Variants in WNT7B observed in about 807,000 individuals in gnomAD.
WNT7B encodes the protein Wnt family member 7B.
WNT7B carries 19 observed loss-of-function variants against 38.2 expected under a neutral mutation model. The ratio of observed to expected loss-of-function variants is 0.50; its 90% CI spans 0.35 to 0.73. The LOEUF (loss-of-function observed/expected upper bound fraction) is 0.73. Among genes scored for constraint, WNT7B ranks in the 30% least tolerant of loss-of-function variants. WNT7B has a pLI of 0.01. For missense variants in WNT7B, 423 were observed against 507.9 expected, an observed-to-expected ratio of 0.83 and a Z score of 1.61; for synonymous variants, 243 against 209.3, an observed-to-expected ratio of 1.16 and a Z score of -1.39.
Position 45,976,341 on chromosome 22 carries a change from G to T in WNT7B, c.71+343C>A, listed in dbSNP as rs1341384862. On this transcript the variant is annotated intron_variant, in intron 1 of 3. Transcript: ENST00000339464. The surrounding 1 kb of genome is among the most constrained non-coding windows in gnomAD (Gnocchi z 8.5). ...GCTCGGCCCGGGCTCGGCGCCCAGCGCAGCCCGGGGGAGGGAAGGCGCGTC... is the reference window on the plus strand; with the variant it reads ...GCTCGGCCCGGGCTCGGCGCCCAGCTCAGCCCGGGGGAGGGAAGGCGCGTC... 6.7e-6 allele frequency among the ~76,000 whole-genome samples: 1 copy of T among 150,358 alleles called. No individual in the cohort carries two copies. Among genetic ancestry groups the T allele is most frequent in the Non-Finnish European group, 1.5e-5 (1 of 67,452 alleles).
chr22:45,941,082 C>G (rs1158795162), intron 2 of WNT7B, among the ~76,000 whole-genome samples: 1 of 152,198 alleles, frequency 6.6e-6, no homozygotes, highest in Non-Finnish European at 1.5e-5. Flanking sequence ...CACCGGGAGG[C>G]CTGTGCAAGG....
At chr22:45,964,103 G>A (rs536927504) in intron 1 of WNT7B, among the ~76,000 whole-genome samples, 27 of 152,178 alleles carry the variant, frequency 1.8e-4, no homozygotes, top group African/African-American at 6.3e-4. Context: ...GGCCACTTCA[G>A]GGACTGTGTC....
rs898463477 is a variant in WNT7B, at chr22:45,947,780, C to G, written c.298+2140G>C. On this transcript the variant is annotated intron_variant, in intron 2 of 3. Transcript: ENST00000339464. ...AGGTGAGGATGGTGGGTGTGGACAG[C>G]TCTGCCAAAATGTTTGCTTCTGAAA... 4.6e-5 allele frequency among the ~76,000 whole-genome samples: 7 copies of G among 152,288 alleles called. No homozygotes were observed. In the East Asian group the frequency reaches 1.3e-3, roughly 29 times the overall value.
chr22:45,964,203 G>A (rs10448606), intron 1 of WNT7B, among the ~76,000 whole-genome samples: 53,438 of 151,680 alleles, frequency 0.35, 9,749 homozygotes, highest in Non-Finnish European at 0.4. Flanking sequence ...CTCCCTATCC[G>A]GTGCTCTCTC....
intron 3 of WNT7B, among the ~76,000 whole-genome samples, chr22:45,929,727 C>T (rs1049970099): frequency 7.5e-5 from 9 of 119,684 alleles, no homozygotes; most frequent in African/African-American, 2.7e-4. Flanking sequence ...AATCCACTCA[C>T]CCATCCACCC....
At position 45,922,869 on chromosome 22, in the gene WNT7B, A is replaced by G; in HGVS notation, c.1037T>C (p.Phe346Ser). Residue 346 changes from phenylalanine to serine, a missense_variant, in exon 4 of 4, where the codon TTC (phenylalanine) becomes TCC (serine). Around this residue, in one of 3 missense-constraint regions of WNT7B, gnomAD observed 158 missense variants for 214.7 expected, o/e 0.74. Transcript: ENST00000339464. ...CNTCSERTEV[F>S]TCK ...CCGGGCCTGGCCTCACTTGCAGGTG[A>G]AGACCTCGGTGCGCTCGCTGCAGGT... 1 of 1,565,894 alleles carries G rather than the reference A, an allele frequency of 6.4e-7. No homozygotes were observed. Among genetic ancestry groups the G allele is most frequent in the Non-Finnish European group, 8.7e-7 (1 of 1,149,450 alleles).
rs553854423 is a variant in WNT7B, at chr22:45,920,877, A to G, written c.*1979T>C. On this transcript the variant is annotated 3_prime_UTR_variant, in exon 4 of 4. Transcript: ENST00000339464. ...CATAAGTTAACCAGGTTCCTTGCAG[A>G]GGCTGCCGGGCCTATGGACTCAGGT... is the stretch of plus-strand genomic sequence containing the variant. The G allele has an allele frequency of 6.6e-6, 1 of 151,812 alleles. No individual in the cohort carries two copies. Among genetic ancestry groups the G allele is most frequent in the Non-Finnish European group, 1.5e-5 (1 of 68,000 alleles). The allele number at this position is 151,812 out of a possible 1,614,324, so 9.4% of individuals were successfully genotyped here. A position where few individuals can be genotyped will look rare whatever the true frequency, so the allele number is the denominator to read the frequency against.
intron 1 of WNT7B, among the ~76,000 whole-genome samples, chr22:45,961,902 G>T (rs1932204767): frequency 6.6e-6 from 1 of 152,182 alleles, no homozygotes; most frequent in Non-Finnish European, 1.5e-5. Context: ...TCAATAGGGA[G>T]AACTGGCCTG....
At position 45,975,628 on chromosome 22, in the gene WNT7B, G is replaced by A. The variant is rs1197520776; in HGVS notation, c.71+1056C>T. On this transcript the variant is annotated intron_variant, in intron 1 of 3. Coordinates refer to ENST00000339464, the MANE Select transcript of WNT7B (RefSeq NM_058238.3). The surrounding 1 kb of genome is among the most constrained non-coding windows in gnomAD (Gnocchi z 6.6). ...CTGCTTCCACCTCTCCGCCTGGGAA[G>A]CCGCGTCTCCCACCAGTGGTACCTG... 1.4e-6 allele frequency: 1 copy of A among 714,416 alleles called. No individual in the cohort carries two copies. The highest frequency in any genetic ancestry group is 2.6e-6 in the Non-Finnish European group (1 of 383,462). 44.3% of individuals were successfully genotyped at this position (714,416 alleles called of 1,614,324 possible).
chr22:45,968,968 C>T lies in WNT7B; in HGVS notation c.71+7716G>A, dbSNP rs538695954. On this transcript the variant is annotated intron_variant, in intron 1 of 3. Coordinates refer to ENST00000339464, the MANE Select transcript of WNT7B (RefSeq NM_058238.3). The stretch of plus-strand genomic sequence containing the variant: ...AGAGCCCCTCCCAGACCTGGATAGA[C>T]GCAGACCCTCCAGGCTGGGAGTTGC... Among the ~76,000 whole-genome samples the T allele has an allele frequency of 1.5e-4, 23 of 152,336 alleles. No individual in the cohort carries two copies. The South Asian group carries it at 3.5e-3, about 23-fold the overall frequency.
chr22:45,932,417 C>CCCA (rs1555907787), intron 2 of WNT7B, among the ~76,000 whole-genome samples: 128 of 95,426 alleles, frequency 1.3e-3, no homozygotes, highest in African/African-American at 7.3e-3. Flanking sequence ...CCTTCCCAGA[C>CCCA]CCCCCCCGCC....
chr22:45,929,868 C>CATG (rs569739465), intron 3 of WNT7B, among the ~76,000 whole-genome samples: 3 of 108,122 alleles, frequency 2.8e-5, no homozygotes, highest in African/African-American at 1.1e-4. Context: ...TTCCATCCAT[C>CATG]CATCCAACCA....
intron 1 of WNT7B, among the ~76,000 whole-genome samples, chr22:45,968,321 G>C (rs1019845567): frequency 6.6e-6 from 1 of 152,126 alleles, no homozygotes; most frequent in Admixed American, 6.5e-5. Flanking sequence ...CCCTGTTCCT[G>C]ATAGCTGAGA....
chr22:45,948,863 G>C (rs760020064), intron 2 of WNT7B, among the ~76,000 whole-genome samples: 1 of 119,818 alleles, frequency 8.3e-6, no homozygotes, highest in African/African-American at 3.2e-5. Context: ...TTTTTCCCCT[G>C]AGACAGAGTC....
rs1256644489 is a variant in WNT7B at position 45,977,036 on chromosome 22, G to C, written c.-282C>G. 5.0e-5 allele frequency: 49 copies of C among 983,504 alleles called. No homozygotes were observed. The highest frequency in any genetic ancestry group is 5.8e-5 in the Non-Finnish European group (48 of 828,880). The allele number at this position is 983,504 out of a possible 1,614,324, so 60.9% of individuals were successfully genotyped here. A position where few individuals can be genotyped will look rare whatever the true frequency, so the allele number is the denominator to read the frequency against. On this transcript the variant is annotated 5_prime_UTR_variant, in exon 1 of 4. Transcript: ENST00000339464. Reference sequence around the variant, plus strand: ...CCGTGGACCCCTGCAAGCGCGGGCCGGGGGCCCGGGCGCGGCTGGCGGGCG... The same window carrying C: ...CCGTGGACCCCTGCAAGCGCGGGCCCGGGGCCCGGGCGCGGCTGGCGGGCG...
intron 1 of WNT7B, chr22:45,954,783 A>G: frequency 2.0e-6 from 2 of 985,224 alleles, no homozygotes; most frequent in Non-Finnish European, 2.4e-6. Flanking sequence ...TAAAAATACC[A>G]AGTGCTCCCA....
intron 1 of WNT7B, among the ~76,000 whole-genome samples, chr22:45,970,969 C>T (rs1158967915): frequency 6.6e-6 from 1 of 152,230 alleles, no homozygotes; most frequent in Non-Finnish European, 1.5e-5. Flanking sequence ...TCCCACAGCC[C>T]GGGAAACCGC....
At chr22:45,938,591 T>A (rs961771274) in intron 2 of WNT7B, among the ~76,000 whole-genome samples, 1 of 151,364 alleles carries the variant, frequency 6.6e-6, no homozygotes, top group Non-Finnish European at 1.5e-5. Flanking sequence ...TGAACCAAGA[T>A]CTCACCACTG....
intron 1 of WNT7B, among the ~76,000 whole-genome samples, chr22:45,963,848 C>T (rs866832493): frequency 1.1e-4 from 16 of 152,266 alleles, no homozygotes; most frequent in African/African-American, 2.9e-4. Context: ...AGGGGACTCC[C>T]GCAACAGAGG....
Sources: allele counts gnomAD v4.1 joint callset (sites outside exome capture counted in the v4.1 genomes callset), GRCh38; gene constraint gnomAD v4.1.1; regional missense constraint gnomAD v4.1.1; non-coding constraint Gnocchi (gnomAD v3.1); transcripts MANE v1.5; gene names NCBI Gene and HGNC (gene_info 2026-07-23, HGNC 2026-07-21).